SYN3: variants seen among roughly 807,000 people sequenced by gnomAD.
SYN3 encodes synapsin-3.
Under a neutral mutation model 65.8 loss-of-function variants are expected in SYN3, and 35 were observed. That is an observed-to-expected ratio of 0.53 (90% CI 0.41 to 0.70). SYN3 has a LOEUF of 0.70. Among genes scored for constraint, SYN3 ranks in the 30% least tolerant of loss-of-function variants. The pLI is 0.00. For synonymous variants in SYN3, 270 were observed against 292.9 expected, an observed-to-expected ratio of 0.92 and a Z score of 0.80; for missense variants, 680 against 749.0, an observed-to-expected ratio of 0.91 and a Z score of 1.08.
At chr22:32,544,615 T>C (rs1223367258) in intron 7 of SYN3, among the ~76,000 whole-genome samples, 2 of 152,226 alleles carry the variant, frequency 1.3e-5, no homozygotes, top group Non-Finnish European at 2.9e-5. Flanking sequence ...TACCACTGTT[T>C]TCCCAGTTCT....
At chr22:33,019,177 C>G (rs1488167360) in intron 1 of SYN3, among the ~76,000 whole-genome samples, 1 of 152,222 alleles carries the variant, frequency 6.6e-6, no homozygotes, top group Admixed American at 6.5e-5. Context: ...CCCAGAAATA[C>G]CTTAATCATT....
chr22:32,969,605 G>A (rs145716965), intron 3 of SYN3, among the ~76,000 whole-genome samples: 1 of 152,142 alleles, frequency 6.6e-6, no homozygotes, highest in Non-Finnish European at 1.5e-5. Context: ...AGGGACCCAG[G>A]AGATGAAAGC....
chr22:32,813,638 C>T (rs1476447605), intron 6 of SYN3, among the ~76,000 whole-genome samples: 2 of 151,064 alleles, frequency 1.3e-5, no homozygotes, highest in Admixed American at 6.6e-5. Context: ...TTTCAATTCT[C>T]GGATCTCTGA....
chr22:32,811,329 A>G (rs1306239283), intron 6 of SYN3, among the ~76,000 whole-genome samples: 2 of 152,250 alleles, frequency 1.3e-5, no homozygotes, highest in African/African-American at 4.8e-5. Flanking sequence ...AGTCTATACA[A>G]GAGACTGATT....
At chr22:32,985,599 A>T (rs2052502991) in intron 2 of SYN3, among the ~76,000 whole-genome samples, 1 of 152,158 alleles carries the variant, frequency 6.6e-6, no homozygotes, top group South Asian at 2.1e-4. Flanking sequence ...TGGGTACCCA[A>T]ACTCTAGAGG....
chr22:32,633,371 C>T (rs997604957), intron 6 of SYN3, among the ~76,000 whole-genome samples: 1 of 152,164 alleles, frequency 6.6e-6, no homozygotes, highest in African/African-American at 2.4e-5. Context: ...GGGTTCTAAC[C>T]TGGGGTTCCT....
chr22:32,867,352 C>T (rs892066945), intron 5 of SYN3, among the ~76,000 whole-genome samples: 1 of 152,186 alleles, frequency 6.6e-6, no homozygotes, highest in African/African-American at 2.4e-5. Flanking sequence ...GTAAGATCCA[C>T]AGGGCAGGGA....
At chr22:32,780,078 A>AAAAAAAAAAAAAG (rs1359453939) in intron 6 of SYN3, among the ~76,000 whole-genome samples, 1,005 of 52,318 alleles carry the variant, frequency 0.019, 28 homozygotes, top group Middle Eastern at 0.087. Flanking sequence ...CAAAAAAAAA[A>AAAAAAAAAAAAAG]AGAGAGAGAA....
At chr22:32,569,405 ATCTATCT>A (rs1569047740) in intron 7 of SYN3, among the ~76,000 whole-genome samples, 1,026 of 68,734 alleles carry the variant, frequency 0.015, 14 homozygotes, top group African/African-American at 0.077. Context: ...TCCAAAATCT[ATCTATCT>A]ATCTATCTAT....
At chr22:32,806,140 A>C (rs113008005) in intron 6 of SYN3, among the ~76,000 whole-genome samples, 10 of 152,120 alleles carry the variant, frequency 6.6e-5, no homozygotes, top group African/African-American at 2.2e-4. Context: ...AGGTGGGATC[A>C]GTTAGGGCTC....
At chr22:32,723,919 G>T (rs1001492852) in intron 6 of SYN3, among the ~76,000 whole-genome samples, 1 of 152,190 alleles carries the variant, frequency 6.6e-6, no homozygotes, top group African/African-American at 2.4e-5. Context: ...ACCGTACGTG[G>T]CCATGTGACA....
intron 7 of SYN3, among the ~76,000 whole-genome samples, chr22:32,551,151 G>A (rs916737593): frequency 1.3e-5 from 2 of 152,176 alleles, no homozygotes; most frequent in South Asian, 2.1e-4. Context: ...TCATCCTTCT[G>A]CAGCCCCTAA....
chr22:32,821,580 C>G (rs757023973), intron 6 of SYN3, among the ~76,000 whole-genome samples: 1 of 152,162 alleles, frequency 6.6e-6, no homozygotes, highest in Admixed American at 6.5e-5. Flanking sequence ...GTTCTGAAAT[C>G]ACAGAATTAA....
chr22:32,781,645 G>C (rs2046067058), intron 6 of SYN3, among the ~76,000 whole-genome samples: 1 of 151,346 alleles, frequency 6.6e-6, no homozygotes, highest in African/African-American at 2.4e-5. Context: ...CACCTAAGGA[G>C]GTGTTACTTA....
At chr22:32,805,593 C>T (rs1040073541) in intron 6 of SYN3, among the ~76,000 whole-genome samples, 3 of 152,014 alleles carry the variant, frequency 2.0e-5, no homozygotes, top group Non-Finnish European at 2.9e-5. Flanking sequence ...CCTGGTTGCA[C>T]GCACTTCCCA....
In SYN3 at chr22:32,562,306, T is replaced by G. The variant is rs796354096; in HGVS notation, c.775-20593A>C. On this transcript the variant is annotated intron_variant, in intron 7 of 13. Transcript: ENST00000358763. ...TTTCCCACCTTCATTGCATGACCCC[T>G]TGGCTTTGTCAGGCTGAGGACAGGG... Among the ~76,000 whole-genome samples the G allele has an allele frequency of 9.6e-4, 147 of 152,332 alleles. 1 individual carries two copies. Among genetic ancestry groups the G allele is most frequent in the African/African-American group, 3.5e-3 (146 of 41,586 alleles).
chr22:32,528,517 G>A (rs2058019125), intron 11 of SYN3, among the ~76,000 whole-genome samples: 1 of 152,186 alleles, frequency 6.6e-6, no homozygotes, highest in South Asian at 2.1e-4. Context: ...GGGCTTGTGT[G>A]TCCATATGCT....
intron 4 of SYN3, among the ~76,000 whole-genome samples, chr22:32,909,229 G>A (rs1319688338): frequency 6.6e-6 from 1 of 152,174 alleles, no homozygotes; most frequent in Non-Finnish European, 1.5e-5. Flanking sequence ...TTCTGGCTGT[G>A]GACATAACTC....
At chr22:32,820,147 A>T (rs2047195125) in intron 6 of SYN3, among the ~76,000 whole-genome samples, 1 of 151,946 alleles carries the variant, frequency 6.6e-6, no homozygotes, top group Non-Finnish European at 1.5e-5. Flanking sequence ...CATCCTATTC[A>T]GGCCGTCTCT....
Sources: gnomAD v4.1 joint callset for allele counts (sites outside exome capture counted in the v4.1 genomes callset) on GRCh38, gnomAD v4.1.1 for gene constraint, MANE v1.5 for transcripts, NCBI Gene and HGNC (gene_info 2026-07-23, HGNC 2026-07-21) for gene names.